The following SPATA13 variants were observed in gnomAD, a reference collection of about 807,000 sequenced individuals.
The protein encoded by SPATA13 is spermatogenesis-associated protein 13.
Under a neutral mutation model 104.0 loss-of-function variants are expected in SPATA13, and 50 were observed. The ratio of observed to expected loss-of-function variants is 0.48; its 90% confidence interval spans 0.38 to 0.61. SPATA13 has a LOEUF of 0.61. Among genes scored for constraint, SPATA13 ranks in the 20% least tolerant of loss-of-function variants. The probability of loss-of-function intolerance (pLI) is 0.00; values close to 1 mark genes in which losing one functional copy is unlikely to be tolerated. For missense variants in SPATA13, 1,524 were observed against 1,690.6 expected (o/e 0.90, Z 1.73); for synonymous variants, 606 against 667.5 (o/e 0.91, Z 1.42).
intron 2 of SPATA13, among the ~76,000 whole-genome samples, chr13:24,228,923 A>T (rs185227487): frequency 2.6e-5 from 4 of 152,330 alleles, no homozygotes; most frequent in Admixed American, 6.5e-5. Flanking sequence ...TCGTTGAAAA[A>T]TTTTAAGCAG....
intron 4 of SPATA13, among the ~76,000 whole-genome samples, chr13:24,259,313 G>T (rs750504097): frequency 6.6e-6 from 1 of 152,226 alleles, no homozygotes; most frequent in Non-Finnish European, 1.5e-5. Flanking sequence ...CCACGTGGCC[G>T]CCAAGTGGAG....
At position 24,189,665 on chromosome 13, in the gene SPATA13, T is replaced by G. The variant is rs1159409915; in HGVS notation, c.-112+28733T>G. ...TATATATATATTATATATTATATAT[T>G]TATATATTATATATATTTATATATA... is the stretch of plus-strand genomic sequence containing the variant. On this transcript the variant is annotated intron_variant, in intron 1 of 12. Coordinates refer to ENST00000382108, the MANE Select transcript of SPATA13 (RefSeq NM_001166271.3). 5.6e-4 allele frequency among the ~76,000 whole-genome samples: 2 copies of G among 3,562 alleles called. 1 individual carries two copies. The highest frequency in any genetic ancestry group is 0.028 in the Admixed American group (2 of 72). The allele number at this position is 3,562 out of a possible 152,430, so 2.3% of individuals were successfully genotyped here. A position where few individuals can be genotyped will look rare whatever the true frequency, so the allele number is the denominator to read the frequency against.
chr13:24,070,178 A>G (rs894463181), intron 3 of SPATA13, among the ~76,000 whole-genome samples: 1 of 152,236 alleles, frequency 6.6e-6, no homozygotes, highest in African/African-American at 2.4e-5. Context: ...GTGTCAGAGT[A>G]GAGCAGTTAG....
chr13:24,156,496 C>A (rs180721115), upstream of SPATA13, among the ~76,000 whole-genome samples: 9 of 152,312 alleles, frequency 5.9e-5, no homozygotes, highest in African/African-American at 2.2e-4. Flanking sequence ...ATGCTTTCCT[C>A]TCTGTGCCTC....
At chr13:24,069,679 G>T (rs1262348451) in intron 3 of SPATA13, among the ~76,000 whole-genome samples, 1 of 152,162 alleles carries the variant, frequency 6.6e-6, no homozygotes, top group East Asian at 1.9e-4. Flanking sequence ...TACATTCCAG[G>T]GGTGCATGCC....
chr13:24,052,147 G>T lies in SPATA13; in HGVS notation c.-112+34446G>T, dbSNP rs912436898. 2.6e-5 allele frequency among the ~76,000 whole-genome samples: 4 copies of T among 152,338 alleles called. No homozygotes were observed. In the East Asian group the frequency reaches 7.7e-4, roughly 29 times the overall value. Reference sequence around the variant, plus strand: ...AACGCAATTCCAAATGGAAGAAAGGGAGGAGGAAGCACGGTTCTCAAGAAT... The same window carrying T: ...AACGCAATTCCAAATGGAAGAAAGGTAGGAGGAAGCACGGTTCTCAAGAAT... On this transcript the variant is annotated intron_variant, in intron 3 of 14. Coordinates refer to the SPATA13 transcript ENST00000424834.
At chr13:24,180,351 A>G (rs1868721060) in intron 1 of SPATA13, among the ~76,000 whole-genome samples, 1 of 152,206 alleles carries the variant, frequency 6.6e-6, no homozygotes, top group Non-Finnish European at 1.5e-5. Context: ...TCATTGATCT[A>G]TATGTCTATC....
chr13:24,223,984 A>G lies in SPATA13; in HGVS notation c.1055A>G (p.Gln352Arg). Reference protein sequence around the residue: ...PSPGEASLRLQAHSRLHDDYS... With the variant: ...PSPGEASLRLRAHSRLHDDYS... ...CCTGGAGAGGCCAGCCTGAGACTTC[A>G]GGCACACAGCCGGCTGCATGACGAC... Residue 352 changes from glutamine to arginine, a missense_variant, in exon 2 of 13, where the codon CAG (glutamine) becomes CGG (arginine). Gln to Arg is a conservative substitution (Grantham distance 43). Transcript: ENST00000382108. 1.3e-6 allele frequency: 2 copies of G among 1,548,792 alleles called. No individual in the cohort carries two copies. The highest frequency in any genetic ancestry group is 1.7e-6 in the Non-Finnish European group (2 of 1,145,270).
At chr13:24,148,352 C>A (rs1042572856) in intron 3 of SPATA13, among the ~76,000 whole-genome samples, 5 of 138,128 alleles carry the variant, frequency 3.6e-5, no homozygotes, top group African/African-American at 1.3e-4. Flanking sequence ...GAACACAAGG[C>A]TTTTTTGTTT....
intron 2 of SPATA13, among the ~76,000 whole-genome samples, chr13:24,000,383 G>A (rs1875899879): frequency 6.6e-6 from 1 of 152,118 alleles, no homozygotes; most frequent in Admixed American, 6.6e-5. Flanking sequence ...GAAGGCGTGG[G>A]GAGCCCAGTG....
intron 3 of SPATA13, among the ~76,000 whole-genome samples, chr13:24,120,752 TC>T (rs1881007444): frequency 6.6e-6 from 1 of 152,238 alleles, no homozygotes; most frequent in African/African-American, 2.4e-5. Flanking sequence ...CTTTAAAAAG[TC>T]CTTGCACATG....
chr13:24,071,170 A>G (rs1033479320), intron 3 of SPATA13, among the ~76,000 whole-genome samples: 1 of 152,098 alleles, frequency 6.6e-6, no homozygotes, highest in Non-Finnish European at 1.5e-5. Context: ...TTGAATGATG[A>G]GATATGATTC....
At chr13:24,181,100 A>T (rs1868775220) in intron 1 of SPATA13, among the ~76,000 whole-genome samples, 1 of 152,056 alleles carries the variant, frequency 6.6e-6, no homozygotes, top group Non-Finnish European at 1.5e-5. Flanking sequence ...TTTTTTTTTT[A>T]AATGACTTGT....
chr13:24,094,160 T>A (rs1195865014), intron 3 of SPATA13, among the ~76,000 whole-genome samples: 1 of 152,226 alleles, frequency 6.6e-6, no homozygotes, highest in Non-Finnish European at 1.5e-5. Flanking sequence ...AAAGCCATTA[T>A]TTCAACATGT....
intron 3 of SPATA13, among the ~76,000 whole-genome samples, chr13:24,066,635 A>G (rs540240129): frequency 3.9e-5 from 6 of 152,228 alleles, no homozygotes; most frequent in African/African-American, 1.4e-4. Context: ...GGCTCCTTTC[A>G]TGCCAGCCCC....
chr13:24,251,555 G>A, intron 3 of SPATA13, 163 bp from the exon 4 acceptor site: 2 of 1,477,912 alleles, frequency 1.4e-6, no homozygotes, highest in Non-Finnish European at 1.8e-6. Context: ...GTAGCATCAT[G>A]AGTTGCCACT....
intron 1 of SPATA13, among the ~76,000 whole-genome samples, chr13:24,211,510 C>T (rs189330834): frequency 6.6e-6 from 1 of 152,128 alleles, no homozygotes; most frequent in East Asian, 1.9e-4. Flanking sequence ...TTGAGATAGT[C>T]CTATGATTTT....
Position 24,222,973 on chromosome 13 carries a change from AC to A in SPATA13, c.45del (p.Asn15LysfsTer2), listed in dbSNP as rs1260855555. The A allele has an allele frequency of 3.9e-6, 6 of 1,551,178 alleles. No individual in the cohort carries two copies. The highest frequency in any genetic ancestry group is 4.4e-6 in the Non-Finnish European group (5 of 1,146,762). On this transcript the variant is annotated frameshift_variant, in exon 2 of 13. Coordinates refer to ENST00000382108, the MANE Select transcript of SPATA13 (RefSeq NM_001166271.3). LOFTEE classifies it high-confidence loss of function. ...CGGCCCTGGGCACCCTGCCTGGAGAACATGACCACTGCCCCAAACGGCCTCG... is the reference window on the plus strand; with the variant it reads ...CGGCCCTGGGCACCCTGCCTGGAGAAATGACCACTGCCCCAAACGGCCTCG... ...AVRPWAPCLE[N>X]MTTAPNGLGP...
rs1057364169 is a variant in SPATA13, at chr13:24,245,914, T to C, written c.1654-3563T>C. Among the ~76,000 whole-genome samples, 5 of 152,256 alleles carry C rather than the reference T, an allele frequency of 3.3e-5. No homozygotes were observed. In the East Asian group the frequency reaches 7.7e-4, roughly 24 times the overall value. The stretch of plus-strand genomic sequence containing the variant: ...CAACAGTTGGTTTTGTGTGCTCTAC[T>C]GTGCTGACTCTGAGGCATGATGTAT... On this transcript the variant is annotated intron_variant, in intron 2 of 12. Coordinates refer to ENST00000382108, the MANE Select transcript of SPATA13 (RefSeq NM_001166271.3).
Sources: allele counts gnomAD v4.1 joint callset (sites outside exome capture counted in the v4.1 genomes callset), GRCh38; gene constraint gnomAD v4.1.1; transcripts MANE v1.5; gene names NCBI Gene and HGNC (gene_info 2026-07-23, HGNC 2026-07-21).